Variants in EYS observed in about 807,000 individuals in gnomAD.
EYS encodes protein eyes shut homolog.
In EYS, 250 loss-of-function variants were observed where a neutral mutation model predicts 282.1. That is an observed-to-expected ratio of 0.89 (90% confidence interval 0.80 to 0.98). The LOEUF is 0.98. Among genes scored for constraint, EYS ranks in the 50% least tolerant of loss-of-function variants. The pLI, the probability that EYS is intolerant of heterozygous loss-of-function variation, is 0.00. For synonymous variants in EYS, 1,355 were observed against 1,282.9 expected (o/e 1.06, Z -1.20); for missense variants, 4,016 against 3,709.0 (o/e 1.08, Z -2.15).
chr6:64,728,524 G>A (rs6906172), intron 22 of EYS, among the ~76,000 whole-genome samples: 145,588 of 152,038 alleles, frequency 0.96, 70,027 homozygotes, highest in East Asian at 1. Context: ...TTTAGTAGAG[G>A]TGGGGTTTCA....
intron 14 of EYS, among the ~76,000 whole-genome samples, chr6:64,993,100 G>C (rs1397821222): frequency 6.6e-6 from 1 of 151,934 alleles, no homozygotes; most frequent in African/African-American, 2.4e-5. Context: ...GAACTGTATA[G>C]CAAAGGCTGT....
intron 14 of EYS, among the ~76,000 whole-genome samples, chr6:64,959,324 T>G (rs1769833844): frequency 6.6e-6 from 1 of 152,234 alleles, no homozygotes; most frequent in South Asian, 2.1e-4. Context: ...TAGAATGTGT[T>G]ATTATTGACA....
intron 8 of EYS, among the ~76,000 whole-genome samples, chr6:65,362,019 A>G (rs1764729556): frequency 6.6e-6 from 1 of 151,812 alleles, no homozygotes; most frequent in Admixed American, 6.6e-5. Context: ...AAAGTGCACC[A>G]TAGCTAATGG....
chr6:65,143,666 C>T (rs895603678), intron 12 of EYS, among the ~76,000 whole-genome samples: 1 of 152,048 alleles, frequency 6.6e-6, no homozygotes, highest in African/African-American at 2.4e-5. Flanking sequence ...CAAGACATAG[C>T]TTCTCTTCAC....
chr6:65,156,278 AATTCCT>A (rs1440868882), intron 12 of EYS, among the ~76,000 whole-genome samples: 4 of 151,310 alleles, frequency 2.6e-5, no homozygotes, highest in Admixed American at 6.6e-5. Flanking sequence ...CTTTTCATTC[AATTCCT>A]ATGCTGTCCA....
chr6:64,331,698 T>C (rs1429997197), intron 29 of EYS, among the ~76,000 whole-genome samples: 1 of 151,398 alleles, frequency 6.6e-6, no homozygotes, highest in Non-Finnish European at 1.5e-5. Flanking sequence ...TGCACCTAAC[T>C]GCCATCGCTC....
chr6:64,389,397 A>C (rs1429920730), intron 28 of EYS, among the ~76,000 whole-genome samples: 1 of 152,242 alleles, frequency 6.6e-6, no homozygotes, highest in South Asian at 2.1e-4. Context: ...AAAGATGAAA[A>C]AGACAAAATA....
chr6:64,237,335 G>A (rs1766646955), intron 30 of EYS, among the ~76,000 whole-genome samples: 1 of 152,138 alleles, frequency 6.6e-6, no homozygotes, highest in Non-Finnish European at 1.5e-5. Flanking sequence ...GTAATGTATA[G>A]TAAAGGCTGT....
chr6:65,352,297 A>C (rs1467391368), intron 9 of EYS, among the ~76,000 whole-genome samples: 1 of 151,954 alleles, frequency 6.6e-6, no homozygotes, highest in African/African-American at 2.4e-5. Flanking sequence ...TTACTCAAAA[A>C]CAGACACATC....
At chr6:65,296,294 T>A (rs936941479) in intron 11 of EYS, among the ~76,000 whole-genome samples, 175 bp from the exon 12 acceptor site, 1 of 152,192 alleles carries the variant, frequency 6.6e-6, no homozygotes, top group South Asian at 2.1e-4. Context: ...AAATTACTTT[T>A]GATTACTGTG....
intron 22 of EYS, among the ~76,000 whole-genome samples, chr6:64,788,172 T>C (rs1774081215): frequency 6.6e-6 from 1 of 152,142 alleles, no homozygotes; most frequent in Admixed American, 6.6e-5. Context: ...AGATTGGAAG[T>C]TATTTAGGCA....
chr6:64,287,151 CA>C (rs1341669347), intron 30 of EYS, among the ~76,000 whole-genome samples: 2 of 152,048 alleles, frequency 1.3e-5, no homozygotes, highest in African/African-American at 4.8e-5. Flanking sequence ...CTTAAAAAGC[CA>C]GATGTTTTTC....
intron 12 of EYS, among the ~76,000 whole-genome samples, chr6:65,088,376 T>C (rs1449124078): frequency 6.6e-6 from 1 of 152,278 alleles, no homozygotes; most frequent in East Asian, 1.9e-4. Flanking sequence ...AAAATGCTGA[T>C]AGTGATATGC....
At chr6:64,250,744 A>G (rs1767183450) in intron 30 of EYS, among the ~76,000 whole-genome samples, 1 of 152,202 alleles carries the variant, frequency 6.6e-6, no homozygotes, top group Non-Finnish European at 1.5e-5. Flanking sequence ...ATTACTTAAA[A>G]TTCTGTTGTA....
At chr6:65,268,072 T>TGTAA (rs1279841972) in intron 12 of EYS, among the ~76,000 whole-genome samples, 1 of 152,030 alleles carries the variant, frequency 6.6e-6, no homozygotes, top group Non-Finnish European at 1.5e-5. Context: ...ATGATTTGCA[T>TGTAA]ATTCACAATG....
intron 2 of EYS, among the ~76,000 whole-genome samples, chr6:65,619,127 T>C (rs989698587): frequency 9.5e-4 from 144 of 152,026 alleles, no homozygotes; most frequent in Non-Finnish European, 1.5e-3. Context: ...GCATTGAATC[T>C]GCAAATTACC....
chr6:64,534,960 A>G (rs927191383), intron 26 of EYS, among the ~76,000 whole-genome samples: 2 of 152,044 alleles, frequency 1.3e-5, no homozygotes, highest in African/African-American at 2.4e-5. Flanking sequence ...CATAACACCT[A>G]TATTTTTCTC....
At chr6:65,223,136 T>C (rs1766515698) in intron 12 of EYS, among the ~76,000 whole-genome samples, 1 of 151,900 alleles carries the variant, frequency 6.6e-6, no homozygotes, top group African/African-American at 2.4e-5. Flanking sequence ...TCACAATAAA[T>C]AGGGGAATGT....
chr6:63,860,933 C>T (rs560618396), intron 36 of EYS, among the ~76,000 whole-genome samples: 1 of 152,202 alleles, frequency 6.6e-6, no homozygotes, highest in Admixed American at 6.5e-5. Flanking sequence ...TACACTTTCT[C>T]TTCTTTATAT....
Sources: gnomAD v4.1 joint callset for allele counts (sites outside exome capture counted in the v4.1 genomes callset) on GRCh38, gnomAD v4.1.1 for gene constraint, MANE v1.5 for transcripts, NCBI Gene and HGNC (gene_info 2026-07-23, HGNC 2026-07-21) for gene names.